The following ADCY2 variants were observed in gnomAD, a reference collection of about 807,000 sequenced individuals.
The protein encoded by ADCY2 is adenylate cyclase 2, also known as adenylate cyclase type 2.
In ADCY2, 31 loss-of-function variants were observed where a neutral mutation model predicts 125.2. The observed-to-expected ratio is 0.25, with a 90% CI of 0.19 to 0.33. The LOEUF is 0.33. Among genes scored for constraint, ADCY2 ranks in the 10% least tolerant of loss-of-function variants. The pLI is 1.00. For missense variants in ADCY2, 904 were observed against 1,418.2 expected (o/e 0.64, Z 5.82); for synonymous variants, 512 against 548.4 (o/e 0.93, Z 0.93).
At chr5:7,819,844 A>G (rs1198857767) in intron 23 of ADCY2, among the ~76,000 whole-genome samples, 3 of 152,172 alleles carry the variant, frequency 2.0e-5, no homozygotes, top group Non-Finnish European at 2.9e-5. Flanking sequence ...TGGAACCACA[A>G]ATCAAGCACA....
chr5:7,638,411 G>A (rs1360316600), intron 4 of ADCY2, among the ~76,000 whole-genome samples: 2 of 152,144 alleles, frequency 1.3e-5, no homozygotes, highest in Non-Finnish European at 2.9e-5. Context: ...CCTTGGACAA[G>A]GTTTACTTAG....
At chr5:7,516,710 C>T (rs565251452) in intron 2 of ADCY2, among the ~76,000 whole-genome samples, 3 of 152,282 alleles carry the variant, frequency 2.0e-5, no homozygotes, top group East Asian at 1.9e-4. Context: ...CTGATGGTTA[C>T]CCGAGGCTTG....
chr5:7,523,246 G>A (rs1210219162), intron 3 of ADCY2, among the ~76,000 whole-genome samples: 3 of 151,350 alleles, frequency 2.0e-5, no homozygotes, highest in Non-Finnish European at 1.5e-5. Flanking sequence ...ATGTATTGCA[G>A]GTCACTGAAT....
intron 8 of ADCY2, 36 bp downstream of exon 8, chr5:7,706,938 G>T (rs1273877177): frequency 5.0e-6 from 8 of 1,612,256 alleles, no homozygotes; most frequent in Admixed American, 1.7e-5. Flanking sequence ...CTTCAAGCAG[G>T]CAGAACTATT....
At chr5:7,447,314 C>T (rs1054603106) in intron 2 of ADCY2, among the ~76,000 whole-genome samples, 2 of 152,200 alleles carry the variant, frequency 1.3e-5, no homozygotes, top group South Asian at 2.1e-4. Flanking sequence ...CTGCCTGTGA[C>T]CCTGCCTGGC....
intron 3 of ADCY2, among the ~76,000 whole-genome samples, chr5:7,607,619 T>G (rs1005771979): frequency 6.6e-5 from 10 of 152,218 alleles, no homozygotes; most frequent in South Asian, 2.1e-4. Context: ...AGAATACGTA[T>G]TTGCATGACA....
intron 2 of ADCY2, among the ~76,000 whole-genome samples, chr5:7,499,272 C>T (rs190814389): frequency 6.0e-4 from 91 of 152,184 alleles, no homozygotes; most frequent in African/African-American, 2.0e-3. Flanking sequence ...TCCCAAAGTG[C>T]TGGGATTACA....
At chr5:7,755,798 A>G (rs1171601856) in intron 15 of ADCY2, among the ~76,000 whole-genome samples, 1 of 152,216 alleles carries the variant, frequency 6.6e-6, no homozygotes, top group East Asian at 1.9e-4. Context: ...ATCAACATTG[A>G]ACATACAGCA....
In ADCY2 at chr5:7,423,587, G is replaced by A. The variant is rs545929879; in HGVS notation, c.408+8817G>A. On this transcript the variant is annotated intron_variant, in intron 2 of 24. Coordinates refer to ENST00000338316, the MANE Select transcript of ADCY2 (RefSeq NM_020546.3). ...TTGCTCCTCATTTGCCTTCTGCCAT[G>A]ATTGTGAGGCCTTTCCAGCCATGTG... 3.3e-5 allele frequency among the ~76,000 whole-genome samples: 5 copies of A among 152,294 alleles called. No homozygotes were observed. In the South Asian group the frequency reaches 8.3e-4, roughly 25 times the overall value.
chr5:7,545,393 C>A (rs191217216), intron 3 of ADCY2, among the ~76,000 whole-genome samples: 146 of 152,260 alleles, frequency 9.6e-4, no homozygotes, highest in African/African-American at 3.4e-3. Flanking sequence ...AACCTGTTTC[C>A]TACTGGTGAG....
intron 3 of ADCY2, among the ~76,000 whole-genome samples, chr5:7,546,406 A>C (rs1735148884): frequency 6.6e-6 from 1 of 152,162 alleles, no homozygotes; most frequent in African/African-American, 2.4e-5. Context: ...AATCCTGGTA[A>C]TAAGATCCCT....
At chr5:7,825,379 C>T (rs1745444928) in intron 24 of ADCY2, among the ~76,000 whole-genome samples, 1 of 152,252 alleles carries the variant, frequency 6.6e-6, no homozygotes, top group Non-Finnish European at 1.5e-5. Context: ...AACAACGCTG[C>T]TGGGTGCCAT....
chr5:7,396,688 C>G lies in ADCY2; in HGVS notation c.210+182C>G, dbSNP rs1029862416. 3.3e-5 allele frequency among the ~76,000 whole-genome samples: 5 copies of G among 151,032 alleles called. No homozygotes were observed. The highest frequency in any genetic ancestry group is 7.4e-5 in the Non-Finnish European group (5 of 67,598). ...TGGCCCGCGGCCCGGTGGACTCTGG[C>G]AAGGGCTGCGGGCGGGAGAAAAGTT... On this transcript the variant is annotated intron_variant, in intron 1 of 24. Coordinates refer to ENST00000338316, the MANE Select transcript of ADCY2 (RefSeq NM_020546.3). This position sits in a 1 kb window ranked among gnomAD's most constrained non-coding sequence, Gnocchi z 5.7.
chr5:7,414,121 C>T (rs929708366), intron 1 of ADCY2, among the ~76,000 whole-genome samples: 1 of 152,168 alleles, frequency 6.6e-6, no homozygotes, highest in African/African-American at 2.4e-5. Context: ...AATAAAAGCT[C>T]ATCACCATAA....
chr5:7,626,540 G>T (rs1478634753), intron 4 of ADCY2, among the ~76,000 whole-genome samples: 2 of 152,144 alleles, frequency 1.3e-5, no homozygotes, highest in African/African-American at 2.4e-5. Context: ...TAGTCTCATG[G>T]TTCTACAGGC....
intron 3 of ADCY2, among the ~76,000 whole-genome samples, chr5:7,622,312 G>T (rs1190676527): frequency 6.6e-6 from 1 of 152,164 alleles, no homozygotes; most frequent in Non-Finnish European, 1.5e-5. Context: ...TTGTAAATGT[G>T]TGTCATTATC....
intron 3 of ADCY2, among the ~76,000 whole-genome samples, chr5:7,527,379 A>C (rs1450099170): frequency 2.6e-5 from 4 of 152,244 alleles, no homozygotes; most frequent in African/African-American, 9.6e-5. Context: ...ATAATGAGCC[A>C]ACCTCAAGGA....
chr5:7,759,971 C>G (rs1006037187), intron 16 of ADCY2, among the ~76,000 whole-genome samples: 5 of 152,134 alleles, frequency 3.3e-5, no homozygotes, highest in African/African-American at 9.7e-5. Flanking sequence ...TTCAGGGGGA[C>G]AGCCTCAGGG....
intron 3 of ADCY2, among the ~76,000 whole-genome samples, chr5:7,522,154 G>A (rs1744467572): frequency 6.6e-6 from 1 of 152,134 alleles, no homozygotes; most frequent in East Asian, 1.9e-4. Flanking sequence ...ATATTTAAAT[G>A]ACAAATTAAG....
Sources: allele counts gnomAD v4.1 joint callset (sites outside exome capture counted in the v4.1 genomes callset), GRCh38; gene constraint gnomAD v4.1.1; non-coding constraint Gnocchi (gnomAD v3.1); transcripts MANE v1.5; gene names NCBI Gene and HGNC (gene_info 2026-07-23, HGNC 2026-07-21).